Variants in NRTN observed in about 807,000 individuals in gnomAD.
NRTN encodes prepro-neurturin.
Under a neutral mutation model 7.5 loss-of-function variants are expected in NRTN, and 3 were observed. The ratio of observed to expected loss-of-function variants is 0.40; its 90% CI spans 0.18 to 1.03. The LOEUF (loss-of-function observed/expected upper bound fraction) is 1.03, where lower values mean the gene tolerates loss of function less well. NRTN is among the 50% of genes least tolerant of loss of function. NRTN has a pLI of 0.34. For synonymous variants in NRTN, 157 were observed against 146.6 expected (o/e 1.07, Z -0.51); for missense variants, 310 against 307.0 (o/e 1.01, Z -0.07).
rs1441211512 is a variant in NRTN, at chr19:5,805,446, C to A, written c.-404C>A. On this transcript the variant is annotated 5_prime_UTR_variant, in exon 1 of 3. Transcript: ENST00000303212. ...CCACTGACGGGTAGTCCGGCGCCCA[C>A]AGCAGGTAAGCAAGGGGCAGGCGGG... 1.3e-5 allele frequency among the ~76,000 whole-genome samples: 2 copies of A among 151,580 alleles called. No individual in the cohort carries two copies. Among genetic ancestry groups the A allele is most frequent in the Non-Finnish European group, 3.0e-5 (2 of 67,796 alleles).
In NRTN at chr19:5,824,163, A is replaced by G. The variant is rs755433735; in HGVS notation, c.-3A>G. On this transcript the variant is annotated 5_prime_UTR_variant, in exon 2 of 3. Coordinates refer to ENST00000303212, the MANE Select transcript of NRTN (RefSeq NM_004558.5). ...CTGACCATCCCGTGCCCGCAGGCTG[A>G]GGATGCAGCGCTGGAAGGCGGCGGC... 5.2e-5 allele frequency: 83 copies of G among 1,606,890 alleles called. No individual in the cohort carries two copies. Among genetic ancestry groups the G allele is most frequent in the Middle Eastern group, 1.9e-4 (1 of 5,252 alleles).
At chr19:5,810,032 G>A (rs986120110) in intron 1 of NRTN, among the ~76,000 whole-genome samples, 23 of 151,892 alleles carry the variant, frequency 1.5e-4, no homozygotes, top group Admixed American at 1.3e-4. Context: ...TTGGGAGGCC[G>A]AGGCTGGCGG....
In NRTN at chr19:5,822,233, G is replaced by A. The variant is rs1456115684; in HGVS notation, c.-398-1535G>A. On this transcript the variant is annotated intron_variant, in intron 1 of 2. Transcript: ENST00000303212. Reference sequence around the variant, plus strand: ...AAATCCCATGCAAATAAATCTCTGGGTGGTGCAGGGCAGCGTGCAAGGCTG... The same window carrying A: ...AAATCCCATGCAAATAAATCTCTGGATGGTGCAGGGCAGCGTGCAAGGCTG... Among the ~76,000 whole-genome samples the A allele has an allele frequency of 1.1e-4, 14 of 131,172 alleles. No homozygotes were observed. The Admixed American group carries it at 1.2e-3, about 11-fold the overall frequency. The allele number at this position is 131,172 out of a possible 152,430, so 86.1% of individuals were successfully genotyped here.
chr19:5,806,930 C>T lies in NRTN; in HGVS notation c.-399+1479C>T, dbSNP rs1419698294. The stretch of plus-strand genomic sequence containing the variant: ...TCGACAAATGTGTGTCGATGGCAAC[C>T]GCGTGGTTGACTGGTGTCAGGGTTG... On this transcript the variant is annotated intron_variant, in intron 1 of 2. Transcript: ENST00000303212. The surrounding 1 kb of genome is among the most constrained non-coding windows in gnomAD (Gnocchi z 5.4). 3.3e-5 allele frequency among the ~76,000 whole-genome samples: 5 copies of T among 152,132 alleles called. No homozygotes were observed. The highest frequency in any genetic ancestry group is 1.9e-4 in the East Asian group (1 of 5,194).
At position 5,823,991 on chromosome 19, in the gene NRTN, C is replaced by A. The variant is rs1423766565; in HGVS notation, c.-175C>A. On this transcript the variant is annotated 5_prime_UTR_variant, in exon 2 of 3. Coordinates refer to ENST00000303212, the MANE Select transcript of NRTN (RefSeq NM_004558.5). Reference sequence around the variant, plus strand: ...TGTGACTCCTGGCACGGAGGCCAACCCCTTCCTTGTTCAATGGTTCCTTGA... The same window carrying A: ...TGTGACTCCTGGCACGGAGGCCAACACCTTCCTTGTTCAATGGTTCCTTGA... 2 of 878,920 alleles carry A rather than the reference C, an allele frequency of 2.3e-6. No homozygotes were observed. Among genetic ancestry groups the A allele is most frequent in the Non-Finnish European group, 3.5e-6 (2 of 565,710 alleles). 54.4% of individuals were successfully genotyped at this position (878,920 alleles called of 1,614,324 possible).
rs754536978 is a variant in NRTN at position 5,828,006 on chromosome 19, C to G, written c.427C>G (p.Leu143Val). The G allele has an allele frequency of 6.2e-6, 9 of 1,450,376 alleles. No individual in the cohort carries two copies. In the East Asian group the frequency reaches 2.7e-4, roughly 43 times the overall value. The allele number at this position is 1,450,376 out of a possible 1,614,324, so 89.8% of individuals were successfully genotyped here. A position where few individuals can be genotyped will look rare whatever the true frequency, so the allele number is the denominator to read the frequency against. ...CGAGGCTGCCGCGCGCGTCTACGACCTCGGGCTGCGACGACTGCGCCAGCG... is the reference window on the plus strand; with the variant it reads ...CGAGGCTGCCGCGCGCGTCTACGACGTCGGGCTGCGACGACTGCGCCAGCG... Reference protein sequence around the residue: ...ACEAAARVYDLGLRRLRQRRR... With the variant: ...ACEAAARVYDVGLRRLRQRRR... The change falls in exon 3 of 3, where the codon CTC (leucine) becomes GTC (valine). Residue 143 changes from leucine (L) to valine (V), a missense_variant. By Grantham distance (32) the Leu-to-Val change is conservative (BLOSUM62 1). Transcript: ENST00000303212.
Position 5,813,273 on chromosome 19 carries a change from G to A in NRTN, c.-399+7822G>A, listed in dbSNP as rs545511231. 2.6e-5 allele frequency among the ~76,000 whole-genome samples: 4 copies of A among 151,690 alleles called. No individual in the cohort carries two copies. In the East Asian group the frequency reaches 7.7e-4, roughly 29 times the overall value. On this transcript the variant is annotated intron_variant, in intron 1 of 2. Transcript: ENST00000303212. ...ATGGAGGCTGGGCACAGTGGTTCATGCCTATAATTCCAGCACTTTGGGAGG... is the reference window on the plus strand; with the variant it reads ...ATGGAGGCTGGGCACAGTGGTTCATACCTATAATTCCAGCACTTTGGGAGG...
intron 1 of NRTN, among the ~76,000 whole-genome samples, chr19:5,821,293 GCT>G (rs1491342837): frequency 2.8e-5 from 3 of 108,066 alleles, no homozygotes; most frequent in Admixed American, 2.2e-4. Flanking sequence ...CCAGTGCCTA[GCT>G]TTTTTTTTTT....
intron 1 of NRTN, among the ~76,000 whole-genome samples, 30 bp downstream of exon 1, chr19:5,805,481 G>C (rs2056972496): frequency 1.3e-5 from 2 of 151,744 alleles, no homozygotes; most frequent in African/African-American, 4.8e-5. Context: ...GGCAGGTGGG[G>C]GGGCAGCAGG....
intron 1 of NRTN, among the ~76,000 whole-genome samples, chr19:5,807,083 T>C (rs765385582): frequency 2.0e-5 from 3 of 152,092 alleles, no homozygotes; most frequent in Non-Finnish European, 2.9e-5. Flanking sequence ...AGGAAGGGCC[T>C]CAGAGGTGGG....
At position 5,827,982 on chromosome 19, in the gene NRTN, G is replaced by A. The variant is rs1292681887; in HGVS notation, c.403G>A (p.Glu135Lys). The change falls in exon 3 of 3, where the codon GAG (glutamate) becomes AAG (lysine). Residue 135 changes from glutamate (E) to lysine (K), a missense_variant. Transcript: ENST00000303212. ...VLFRYCAGACEAAARVYDLGL... is the reference protein window; with the variant it reads ...VLFRYCAGACKAAARVYDLGL... ...GTTCCGCTACTGCGCAGGCGCCTGC[G>A]AGGCTGCCGCGCGCGTCTACGACCT... is the stretch of plus-strand genomic sequence containing the variant. 3.4e-6 allele frequency: 5 copies of A among 1,465,426 alleles called. No homozygotes were observed. In the Admixed American group the frequency reaches 9.5e-5, roughly 28 times the overall value. The allele number at this position is 1,465,426 out of a possible 1,614,324, so 90.8% of individuals were successfully genotyped here.
chr19:5,822,760 G>A (rs1480438015), intron 1 of NRTN, among the ~76,000 whole-genome samples: 1 of 152,188 alleles, frequency 6.6e-6, no homozygotes, highest in Non-Finnish European at 1.5e-5. Context: ...CAGCTCTTTG[G>A]GAGGCCAAAG....
chr19:5,807,624 T>G (rs557414686), intron 1 of NRTN, among the ~76,000 whole-genome samples: 1 of 152,290 alleles, frequency 6.6e-6, no homozygotes, highest in Non-Finnish European at 1.5e-5. Context: ...CCAAATGAAA[T>G]CAGGCTTCAG....
chr19:5,821,602 G>A (rs976795932), intron 1 of NRTN, among the ~76,000 whole-genome samples: 31 of 139,004 alleles, frequency 2.2e-4, no homozygotes, highest in Non-Finnish European at 4.0e-4. Flanking sequence ...CACTGCACCC[G>A]TCAGCCTAGC....
chr19:5,821,832 CT>C (rs1250984777), intron 1 of NRTN, among the ~76,000 whole-genome samples: 2 of 152,188 alleles, frequency 1.3e-5, no homozygotes, highest in East Asian at 3.9e-4. Context: ...ACCAAACAGT[CT>C]CAAGTACCAC....
At chr19:5,823,027 A>G (rs1158626363) in intron 1 of NRTN, among the ~76,000 whole-genome samples, 1 of 146,290 alleles carries the variant, frequency 6.8e-6, no homozygotes, top group Non-Finnish European at 1.5e-5. Flanking sequence ...CTGTCTCAAA[A>G]AAAAAGAAAG....
chr19:5,827,609 C>T (rs8106995), intron 2 of NRTN, 140 bp from the exon 3 acceptor site: 164,158 of 283,318 alleles, frequency 0.58, 49,034 homozygotes, highest in East Asian at 0.89. Context: ...AAATTTGGGA[C>T]CTGGGAGTGA....
rs543921945 is a variant in NRTN at position 5,823,756 on chromosome 19, C to T, written c.-398-12C>T. 8.9e-6 allele frequency: 3 copies of T among 338,272 alleles called. No individual in the cohort carries two copies. The East Asian group carries it at 2.4e-4, about 27-fold the overall frequency. 21.0% of individuals were successfully genotyped at this position (338,272 alleles called of 1,614,324 possible). A position where few individuals can be genotyped will look rare whatever the true frequency, so the allele number is the denominator to read the frequency against. ...ACCTCTCCTCCTTTCACTCTTCCCC[C>T]TGGCTCCTCAGCTGCAGCCGCTCCG... On this transcript the variant is annotated splice_polypyrimidine_tract_variant and intron_variant, in intron 1 of 2. Coordinates refer to ENST00000303212, the MANE Select transcript of NRTN (RefSeq NM_004558.5).
intron 1 of NRTN, among the ~76,000 whole-genome samples, chr19:5,811,609 T>C (rs1028276276): frequency 3.3e-5 from 5 of 152,144 alleles, no homozygotes; most frequent in African/African-American, 1.2e-4. Context: ...CTTGGCTCAC[T>C]GCAACCTCCA....
Sources: allele counts gnomAD v4.1 joint callset (sites outside exome capture counted in the v4.1 genomes callset), GRCh38; gene constraint gnomAD v4.1.1; non-coding constraint Gnocchi (gnomAD v3.1); transcripts MANE v1.5; gene names NCBI Gene and HGNC (gene_info 2026-07-23, HGNC 2026-07-21).